FNBP1: variants seen among roughly 807,000 people sequenced by gnomAD.
FNBP1 encodes the protein formin binding protein 1.
FNBP1 carries 26 observed loss-of-function variants against 90.6 expected under a neutral mutation model. The observed-to-expected ratio is 0.29, with a 90% CI of 0.21 to 0.40. FNBP1 has a LOEUF of 0.40. Ranked by LOEUF, FNBP1 falls within the 10% of genes least tolerant of loss-of-function variation. The probability of loss-of-function intolerance (pLI) is 1.00; values close to 1 mark genes in which losing one functional copy is unlikely to be tolerated. For missense variants in FNBP1, 635 were observed against 768.0 expected (o/e 0.83, Z 2.05); for synonymous variants, 260 against 265.2 (o/e 0.98, Z 0.19).
chr9:129,919,646 A>G (rs751616915), intron 10 of FNBP1, among the ~76,000 whole-genome samples: 3 of 152,272 alleles, frequency 2.0e-5, no homozygotes, highest in Non-Finnish European at 4.4e-5. Context: ...TTAATTATTT[A>G]GAAACAAAAT....
chr9:130,043,091 G>T lies in FNBP1; in HGVS notation c.-116C>A. On this transcript the variant is annotated 5_prime_UTR_variant, in exon 1 of 17. Transcript: ENST00000446176. Reference sequence around the variant, plus strand: ...CGACGGCGGAAAGCCCGGAGTCCGCGCGGCCTCCTCCGGCTCGCAGCTCCT... The same window carrying T: ...CGACGGCGGAAAGCCCGGAGTCCGCTCGGCCTCCTCCGGCTCGCAGCTCCT... The T allele has an allele frequency of 1.0e-6, 1 of 985,158 alleles. No homozygotes were observed. Among genetic ancestry groups the T allele is most frequent in the Non-Finnish European group, 1.3e-6 (1 of 766,218 alleles). 61.0% of individuals were successfully genotyped at this position (985,158 alleles called of 1,614,324 possible). A position where few individuals can be genotyped will look rare whatever the true frequency, so the allele number is the denominator to read the frequency against.
At chr9:129,981,058 A>C (rs1455524902) in intron 2 of FNBP1, among the ~76,000 whole-genome samples, 1 of 151,578 alleles carries the variant, frequency 6.6e-6, no homozygotes, top group Non-Finnish European at 1.5e-5. Flanking sequence ...CTCAAAAAAA[A>C]AAAAAAAAAG....
At chr9:129,982,041 C>G (rs1461263064) in intron 2 of FNBP1, among the ~76,000 whole-genome samples, 1 of 152,112 alleles carries the variant, frequency 6.6e-6, no homozygotes, top group Admixed American at 6.6e-5. Context: ...TGTGAAAAAG[C>G]AATTATTTCC....
At chr9:129,905,457 G>A (rs1023768925) in intron 12 of FNBP1, among the ~76,000 whole-genome samples, 1 of 150,928 alleles carries the variant, frequency 6.6e-6, no homozygotes, top group African/African-American at 2.4e-5. Context: ...GACTACAGGC[G>A]CCCCATCATG....
chr9:129,954,289 C>T (rs111792069), intron 6 of FNBP1, among the ~76,000 whole-genome samples: 1,888 of 151,938 alleles, frequency 0.012, 15 homozygotes, highest in Middle Eastern at 0.02. Flanking sequence ...AACTGATTTA[C>T]GCAAAGAAGT....
chr9:129,973,697 G>T (rs1387347441), intron 4 of FNBP1, among the ~76,000 whole-genome samples: 2 of 150,212 alleles, frequency 1.3e-5, no homozygotes, highest in Admixed American at 1.3e-4. Flanking sequence ...GTAGAGACGG[G>T]TTTCACCATG....
Position 129,900,569 on chromosome 9 carries a change from G to A in FNBP1, c.1429-22C>T, listed in dbSNP as rs983038079. On this transcript the variant is annotated intron_variant, in intron 13 of 16. Coordinates refer to ENST00000446176, the MANE Select transcript of FNBP1 (RefSeq NM_015033.3). The surrounding 1 kb of genome is among the most constrained non-coding windows in gnomAD (Gnocchi z 4.1). Reference sequence around the variant, plus strand: ...AGGCCTGGAGACAAAAGCAATGAGAGACTCCAACCTAAGGCCATCTGAGGG... The same window carrying A: ...AGGCCTGGAGACAAAAGCAATGAGAAACTCCAACCTAAGGCCATCTGAGGG... The A allele has an allele frequency of 6.6e-7, 1 of 1,519,766 alleles. No individual in the cohort carries two copies. The highest frequency in any genetic ancestry group is 2.2e-5 in the Admixed American group (1 of 45,400). 94.1% of individuals were successfully genotyped at this position (1,519,766 alleles called of 1,614,324 possible).
chr9:129,973,151 T>C (rs4836683), intron 4 of FNBP1, among the ~76,000 whole-genome samples: 17 of 152,164 alleles, frequency 1.1e-4, no homozygotes, highest in Admixed American at 3.9e-4. Flanking sequence ...AGCAGGGGGC[T>C]CCAGCTCTGT....
chr9:130,039,598 C>T (rs1444137194), intron 1 of FNBP1, among the ~76,000 whole-genome samples: 9 of 150,552 alleles, frequency 6.0e-5, no homozygotes, highest in African/African-American at 2.2e-4. Flanking sequence ...ATCACTAGAA[C>T]CTGGGAAGTG....
chr9:129,933,046 C>T (rs904070456), intron 6 of FNBP1, among the ~76,000 whole-genome samples: 1 of 152,158 alleles, frequency 6.6e-6, no homozygotes, highest in Non-Finnish European at 1.5e-5. Context: ...GAAAGTCTCA[C>T]AAAAATCCAG....
chr9:129,929,627 G>A lies in FNBP1; in HGVS notation c.582C>T (p.Leu194=), dbSNP rs774902860. ...EDSKADYSSI[L]QKFNHEQHEY... is the part of the protein sequence containing the mutation. ...CATGCTGCTCATGGTTGAATTTCTG[G>A]AGAATGGATGAGTAATCTGCTTTGC... is the stretch of plus-strand genomic sequence containing the variant. The change falls in exon 7 of 17, where the codon CTC becomes CTT. Residue 194 remains leucine, a synonymous_variant. Coordinates refer to ENST00000446176, the MANE Select transcript of FNBP1 (RefSeq NM_015033.3). The A allele has an allele frequency of 6.2e-7, 1 of 1,613,810 alleles. No individual in the cohort carries two copies. Among genetic ancestry groups the A allele is most frequent in the South Asian group, 1.1e-5 (1 of 91,088 alleles).
In FNBP1 at chr9:129,962,439, G is replaced by A. The variant is rs1315854463; in HGVS notation, c.346-3886C>T. On this transcript the variant is annotated intron_variant, in intron 4 of 16. Coordinates refer to ENST00000446176, the MANE Select transcript of FNBP1 (RefSeq NM_015033.3). ...TGCACTGCAGAGAAGGTCAGGTGAAGGAAGGATAAAAACAAAGAGGTCCAC... is the reference window on the plus strand; with the variant it reads ...TGCACTGCAGAGAAGGTCAGGTGAAAGAAGGATAAAAACAAAGAGGTCCAC... 3.3e-5 allele frequency among the ~76,000 whole-genome samples: 5 copies of A among 152,312 alleles called. No homozygotes were observed. In the East Asian group the frequency reaches 5.8e-4, roughly 18 times the overall value.
chr9:130,009,978 CAAA>C (rs68122821), intron 1 of FNBP1, among the ~76,000 whole-genome samples: 30 of 69,944 alleles, frequency 4.3e-4, no homozygotes, highest in African/African-American at 1.1e-3. Flanking sequence ...GACCCAGTCT[CAAA>C]AAAAAAAAAA....
At chr9:129,951,883 C>G (rs2046228663) in intron 6 of FNBP1, among the ~76,000 whole-genome samples, 1 of 152,076 alleles carries the variant, frequency 6.6e-6, no homozygotes, top group Non-Finnish European at 1.5e-5. Flanking sequence ...TTGAACAATA[C>G]CGTGAAAAGC....
chr9:130,047,530 G>A (rs963129599), upstream of FNBP1, among the ~76,000 whole-genome samples: 1 of 152,164 alleles, frequency 6.6e-6, no homozygotes, highest in African/African-American at 2.4e-5. Context: ...GGAGAATCGC[G>A]TGAACCTGGG....
chr9:129,902,198 G>A (rs2037085621), intron 13 of FNBP1, among the ~76,000 whole-genome samples: 1 of 152,002 alleles, frequency 6.6e-6, no homozygotes, highest in Non-Finnish European at 1.5e-5. Context: ...TATATTTCAG[G>A]GGATTTTTTT....
At chr9:129,991,826 A>T (rs540767285) in intron 2 of FNBP1, among the ~76,000 whole-genome samples, 1 of 151,764 alleles carries the variant, frequency 6.6e-6, no homozygotes, top group East Asian at 1.9e-4. Context: ...TTTCCAGCTA[A>T]TTTTTTGTAT....
At chr9:129,935,984 A>G (rs932639487) in intron 6 of FNBP1, among the ~76,000 whole-genome samples, 1 of 152,132 alleles carries the variant, frequency 6.6e-6, no homozygotes, top group African/African-American at 2.4e-5. Context: ...TGCAAAAGTA[A>G]TCGCAGTTTT....
chr9:129,907,873 C>T (rs143446654), intron 12 of FNBP1, among the ~76,000 whole-genome samples: 3 of 151,664 alleles, frequency 2.0e-5, no homozygotes, highest in Admixed American at 6.6e-5. Context: ...GGACTATAGG[C>T]GCCCGCCACC....
Sources: gnomAD v4.1 joint callset for allele counts (sites outside exome capture counted in the v4.1 genomes callset) on GRCh38, gnomAD v4.1.1 for gene constraint, Gnocchi (gnomAD v3.1) non-coding constraint, MANE v1.5 for transcripts, NCBI Gene and HGNC (gene_info 2026-07-23, HGNC 2026-07-21) for gene names.